The following MNAT1 variants were observed in gnomAD, a reference collection of about 807,000 sequenced individuals.
MNAT1 encodes the protein CDK-activating kinase assembly factor MAT1.
A neutral mutation model predicts 42.0 loss-of-function variants in MNAT1; 43 were observed. That is an observed-to-expected ratio of 1.02 (90% CI 0.80 to 1.32). The LOEUF is 1.32. Ranked by LOEUF, MNAT1 falls within the 40% of genes most tolerant of loss-of-function variation. The pLI is 0.00. For missense variants in MNAT1, 306 were observed against 350.4 expected, an observed-to-expected ratio of 0.87 and a Z score of 1.01; for synonymous variants, 118 against 120.0, an observed-to-expected ratio of 0.98 and a Z score of 0.11.
chr14:60,806,328 G>C (rs1445250020), intron 3 of MNAT1, among the ~76,000 whole-genome samples: 1 of 152,188 alleles, frequency 6.6e-6, no homozygotes, highest in Non-Finnish European at 1.5e-5. Context: ...GTCATATGTG[G>C]ATATTCACTG....
At chr14:60,855,998 A>G (rs941558742) in intron 6 of MNAT1, among the ~76,000 whole-genome samples, 14 of 152,214 alleles carry the variant, frequency 9.2e-5, no homozygotes, top group African/African-American at 2.7e-4. Context: ...AAATAGGCCA[A>G]TTAACAACCC....
intron 1 of MNAT1, chr14:60,780,530 T>C: frequency 3.9e-6 from 6 of 1,541,630 alleles, no homozygotes; most frequent in Non-Finnish European, 5.4e-6. Flanking sequence ...CTGCCTTTGT[T>C]CATTTACTAC....
Position 60,826,060 on chromosome 14 carries a change from C to G in MNAT1, c.687+7213C>G, listed in dbSNP as rs554568083. On this transcript the variant is annotated intron_variant, in intron 6 of 7. Coordinates refer to ENST00000261245, the MANE Select transcript of MNAT1 (RefSeq NM_002431.4). The stretch of plus-strand genomic sequence containing the variant: ...GTTCAAAATGGGCATAAAATAATGA[C>G]TAAGAAATGAGGATTTTATTATTAT... Among the ~76,000 whole-genome samples the G allele has an allele frequency of 5.3e-5, 8 of 152,136 alleles. No individual in the cohort carries two copies. The East Asian group carries it at 1.5e-3, about 29-fold the overall frequency.
intron 7 of MNAT1, among the ~76,000 whole-genome samples, chr14:60,914,970 A>C (rs574533453): frequency 6.6e-6 from 1 of 152,262 alleles, no homozygotes; most frequent in East Asian, 1.9e-4. Flanking sequence ...CTAGATGACC[A>C]GCCAGCGTTG....
intron 3 of MNAT1, among the ~76,000 whole-genome samples, chr14:60,806,899 T>C (rs2032388591): frequency 1.3e-5 from 2 of 152,228 alleles, no homozygotes; most frequent in South Asian, 2.1e-4. Context: ...TTGAGAGTGC[T>C]GCTTGTCTGG....
intron 7 of MNAT1, among the ~76,000 whole-genome samples, chr14:60,962,465 A>G (rs1178692767): frequency 6.6e-6 from 1 of 152,172 alleles, no homozygotes; most frequent in Non-Finnish European, 1.5e-5. Context: ...TACCAACAAC[A>G]TTGTTCATAG....
intron 6 of MNAT1, among the ~76,000 whole-genome samples, chr14:60,863,840 A>G (rs2034149218): frequency 6.6e-6 from 1 of 152,080 alleles, no homozygotes; most frequent in Non-Finnish European, 1.5e-5. Flanking sequence ...AAAGTACAAT[A>G]AACTGTGATT....
intron 3 of MNAT1, among the ~76,000 whole-genome samples, chr14:60,806,671 A>G (rs1037959592): frequency 6.6e-6 from 1 of 152,214 alleles, no homozygotes; most frequent in African/African-American, 2.4e-5. Context: ...CTCTACTGAA[A>G]TATACAAAAA....
In MNAT1 at chr14:60,766,581, G is replaced by A. The variant is rs533417937; in HGVS notation, c.90-29636G>A. Among the ~76,000 whole-genome samples, 16 of 151,472 alleles carry A rather than the reference G, an allele frequency of 1.1e-4. No homozygotes were observed. The East Asian group carries it at 2.2e-3, about 20-fold the overall frequency. ...ACAAAAATTAGCTGGGTGTGGTGGCGCATGCCTGTAATCCCAGCTACTCGG... is the reference window on the plus strand; with the variant it reads ...ACAAAAATTAGCTGGGTGTGGTGGCACATGCCTGTAATCCCAGCTACTCGG... On this transcript the variant is annotated intron_variant, in intron 1 of 7. Transcript: ENST00000261245.
chr14:60,742,922 T>C (rs1488488209), intron 1 of MNAT1, among the ~76,000 whole-genome samples: 1 of 152,256 alleles, frequency 6.6e-6, no homozygotes, highest in Non-Finnish European at 1.5e-5. Flanking sequence ...TCATTTCTAC[T>C]TTTTGGCTGT....
chr14:60,803,152 ATCT>A (rs1368406526), intron 3 of MNAT1, among the ~76,000 whole-genome samples: 1 of 151,716 alleles, frequency 6.6e-6, no homozygotes, highest in African/African-American at 2.4e-5. Context: ...GGCCAGGCTG[ATCT>A]TGAACTCCTG....
rs2036721123 is a variant in MNAT1, at chr14:60,968,340, G to C, written c.921G>C (p.Gln307His). 3 of 1,610,962 alleles carry C rather than the reference G, an allele frequency of 1.9e-6. No homozygotes were observed. Residue 307 changes from glutamine (Q) to histidine (H), a missense_variant, in exon 8 of 8, where the codon CAG (glutamine) becomes CAC (histidine). By Grantham distance (24) the Gln-to-His change is conservative. Coordinates refer to ENST00000261245, the MANE Select transcript of MNAT1 (RefSeq NM_002431.4). Reference sequence around the variant, plus strand: ...ATGCATTCAGTGGGCTTTTCTGGCAGCCCAGTTAACCATTTATAAGATTTG... The same window carrying C: ...ATGCATTCAGTGGGCTTTTCTGGCACCCCAGTTAACCATTTATAAGATTTG... The part of the protein sequence containing the change: ...LQDAFSGLFW[Q>H]PS
intron 1 of MNAT1, among the ~76,000 whole-genome samples, chr14:60,737,802 G>A (rs903758602): frequency 6.6e-6 from 1 of 151,852 alleles, no homozygotes; most frequent in African/African-American, 2.4e-5. Context: ...TTGGGAGGCT[G>A]AGGAGGGAGG....
intron 6 of MNAT1, among the ~76,000 whole-genome samples, chr14:60,825,845 A>G (rs1320203321): frequency 2.0e-5 from 3 of 152,184 alleles, no homozygotes; most frequent in African/African-American, 2.4e-5. Flanking sequence ...AGTCAGCATA[A>G]TAACTTTCTT....
At chr14:60,935,119 ATGTGTTTTC>A (rs2035966425) in intron 7 of MNAT1, among the ~76,000 whole-genome samples, 1 of 152,282 alleles carries the variant, frequency 6.6e-6, no homozygotes, top group South Asian at 2.1e-4. Context: ...ATCTAGGTAA[ATGTGTTTTC>A]CTTTTCCCTA....
intron 7 of MNAT1, among the ~76,000 whole-genome samples, chr14:60,908,613 G>C (rs1045336372): frequency 1.1e-4 from 16 of 152,194 alleles, no homozygotes; most frequent in African/African-American, 3.9e-4. Context: ...GAGAATGATG[G>C]TTTCCAGCTT....
At chr14:60,839,985 G>C (rs2033501451) in intron 6 of MNAT1, among the ~76,000 whole-genome samples, 1 of 152,228 alleles carries the variant, frequency 6.6e-6, no homozygotes, top group Non-Finnish European at 1.5e-5. Flanking sequence ...AGCCCAGCGG[G>C]CCCAAGAAAA....
At chr14:60,810,430 C>A (rs1248365789) in intron 4 of MNAT1, among the ~76,000 whole-genome samples, 2 of 151,922 alleles carry the variant, frequency 1.3e-5, no homozygotes, top group African/African-American at 2.4e-5. Context: ...AGATGTAAAG[C>A]CAGGTTGTTA....
chr14:60,820,354 T>C (rs145413874), intron 6 of MNAT1, among the ~76,000 whole-genome samples: 9 of 152,232 alleles, frequency 5.9e-5, no homozygotes, highest in African/African-American at 1.9e-4. Context: ...GGACCGTTTC[T>C]TTCCTTTGAC....
Sources: allele counts gnomAD v4.1 joint callset (sites outside exome capture counted in the v4.1 genomes callset), GRCh38; gene constraint gnomAD v4.1.1; transcripts MANE v1.5; gene names NCBI Gene and HGNC (gene_info 2026-07-23, HGNC 2026-07-21).